OR51B5: variants seen among roughly 807,000 people sequenced by gnomAD.
OR51B5 encodes the protein olfactory receptor family 51 subfamily B member 5.
For synonymous variants in OR51B5, 186 were observed against 144.8 expected (o/e 1.28, Z -2.04); for missense variants, 456 against 374.6 (o/e 1.22, Z -1.79).
In OR51B5 at chr11:5,386,349, G is replaced by C. The variant is rs187544864; in HGVS notation, n.85-39439C>G. On this transcript the variant is annotated intron_variant and non_coding_transcript_variant, in intron 1 of 4. Coordinates refer to the OR51B5 transcript ENST00000415970. Reference sequence around the variant, plus strand: ...AGGCTACCAGGGCCATGCATAGAGAGACAAAGGTTCATATCTTATCCTGAT... The same window carrying C: ...AGGCTACCAGGGCCATGCATAGAGACACAAAGGTTCATATCTTATCCTGAT... 4.2e-3 allele frequency among the ~76,000 whole-genome samples: 639 copies of C among 152,250 alleles called. 4 individuals are homozygous for C. The highest frequency in any genetic ancestry group is 0.015 in the African/African-American group (604 of 41,546).
At chr11:5,369,770 T>C (rs1337892874) in intron 1 of OR51B5, among the ~76,000 whole-genome samples, 1 of 152,198 alleles carries the variant, frequency 6.6e-6, no homozygotes, top group East Asian at 1.9e-4. Flanking sequence ...AAGGGCTATG[T>C]GTAGCACTGT....
intron 1 of OR51B5, among the ~76,000 whole-genome samples, chr11:5,444,668 T>C (rs908974620): frequency 1.3e-5 from 2 of 152,160 alleles, no homozygotes; most frequent in Admixed American, 6.5e-5. Flanking sequence ...CAGCTGGCAG[T>C]GGCATCAGCT....
intron 1 of OR51B5, chr11:5,505,366 A>C: frequency 7.7e-7 from 1 of 1,304,182 alleles, no homozygotes; most frequent in Non-Finnish European, 1.0e-6. Flanking sequence ...GAACGGAAGA[A>C]AATGGAGAGG....
At chr11:5,365,651 C>T (rs34474660) in intron 1 of OR51B5, among the ~76,000 whole-genome samples, 37,718 of 152,174 alleles carry the variant, frequency 0.25, 5,819 homozygotes, top group Non-Finnish European at 0.34. Context: ...AACACACCTC[C>T]AAATGTGTTG....
Position 5,390,382 on chromosome 11 carries a change from C to G in OR51B5, n.85-43472G>C, listed in dbSNP as rs376030473. On this transcript the variant is annotated intron_variant and non_coding_transcript_variant, in intron 1 of 4. Transcript: ENST00000415970. ...GTCTTAAAAAGGCCAGTAAATGAGT[C>G]CTGGGGCTAAAACTCCCCCTAGAGG... The G allele has an allele frequency of 1.2e-3, 1,849 of 1,581,686 alleles. 37 individuals carry two copies. The South Asian group carries it at 0.02, about 17-fold the overall frequency.
chr11:5,365,595 C>T (rs1004920653), intron 1 of OR51B5, among the ~76,000 whole-genome samples: 8 of 152,164 alleles, frequency 5.3e-5, no homozygotes, highest in Admixed American at 3.3e-4. Context: ...CACATGACAT[C>T]GGTTTGCCAT....
rs1304147687 is a variant in OR51B5 at position 5,416,751 on chromosome 11, CA to C, written n.85-69842del. On this transcript the variant is annotated intron_variant and non_coding_transcript_variant, in intron 1 of 4. Transcript: ENST00000415970. Reference sequence around the variant, plus strand: ...TGAAGGACCTCTTCAAGGAGAACTACAAACCACTGCTCAATGAAATAAAAGA... The same window carrying C: ...TGAAGGACCTCTTCAAGGAGAACTACAACCACTGCTCAATGAAATAAAAGA... 3.0e-4 allele frequency among the ~76,000 whole-genome samples: 43 copies of C among 141,970 alleles called. 2 individuals are homozygous for C. In the South Asian group the frequency reaches 0.011, roughly 35 times the overall value. 93.1% of individuals were successfully genotyped at this position (141,970 alleles called of 152,430 possible).
At chr11:5,440,593 A>G in intron 1 of OR51B5, 3 of 1,613,258 alleles carry the variant, frequency 1.9e-6, no homozygotes, top group Non-Finnish European at 2.5e-6. Context: ...TTATGGAAGA[A>G]CTTGAGAATC....
At chr11:5,342,943 T>C (rs1352694255) in exon 1 of OR51B5, 1 of 1,613,550 alleles carries the variant, frequency 6.2e-7, no homozygotes, top group Non-Finnish European at 8.5e-7. Context: ...CTGGGTACAG[T>C]CGGTTGAAGG....
chr11:5,390,161 G>A (rs751497394), intron 1 of OR51B5: 46 of 1,613,650 alleles, frequency 2.9e-5, no homozygotes, highest in East Asian at 2.7e-4. Context: ...GACATGCACC[G>A]CTCCTCTCTG....
intron 1 of OR51B5, among the ~76,000 whole-genome samples, chr11:5,498,884 T>C (rs2133819421): frequency 6.6e-6 from 1 of 152,326 alleles, no homozygotes; most frequent in Middle Eastern, 3.4e-3. Context: ...ACAGGCCTTA[T>C]CCTATCTTTA....
chr11:5,429,132 C>G (rs984065024), intron 1 of OR51B5, among the ~76,000 whole-genome samples: 3 of 152,184 alleles, frequency 2.0e-5, no homozygotes, highest in African/African-American at 7.2e-5. Flanking sequence ...CTACCATTTT[C>G]CACATTCTTA....
intron 1 of OR51B5, among the ~76,000 whole-genome samples, chr11:5,400,338 AATT>A (rs1849947259): frequency 6.6e-6 from 1 of 152,238 alleles, no homozygotes; most frequent in Non-Finnish European, 1.5e-5. Flanking sequence ...TGAAAAAATA[AATT>A]ATTTTAATAT....
chr11:5,489,271 C>T (rs768585133), intron 1 of OR51B5: 23 of 1,613,888 alleles, frequency 1.4e-5, no homozygotes, highest in Middle Eastern at 1.6e-4. Flanking sequence ...GGGCATTGCC[C>T]GACTGGCCTG....
chr11:5,465,092 G>C (rs1851118064), intron 1 of OR51B5, among the ~76,000 whole-genome samples: 1 of 148,148 alleles, frequency 6.8e-6, no homozygotes, highest in Admixed American at 6.8e-5. Flanking sequence ...TGTAGTCCCA[G>C]CTACTTGGGA....
chr11:5,372,383 C>T (rs1260528414), intron 1 of OR51B5, among the ~76,000 whole-genome samples: 1 of 152,186 alleles, frequency 6.6e-6, no homozygotes. Context: ...TACATTCCCA[C>T]CAGCTATGCA....
At chr11:5,455,359 A>AAG (rs201405851) in intron 1 of OR51B5, 5 of 151,880 alleles carry the variant, frequency 3.3e-5, no homozygotes, top group African/African-American at 7.2e-5. Context: ...AGTTGCAAAA[A>AAG]AAAAAAGCCT....
At chr11:5,345,718 T>G (rs1304891571), upstream of OR51B5, 1 of 152,126 alleles carries the variant, frequency 6.6e-6, no homozygotes, top group East Asian at 1.9e-4. Flanking sequence ...CAGAGTTACT[T>G]TGTCAGTGTA....
At chr11:5,496,492 G>T (rs1395496296) in intron 1 of OR51B5, among the ~76,000 whole-genome samples, 3 of 152,058 alleles carry the variant, frequency 2.0e-5, no homozygotes, top group Non-Finnish European at 4.4e-5. Flanking sequence ...TGACATTCTT[G>T]TGTACTGCCT....
Sources: allele counts gnomAD v4.1 joint callset (sites outside exome capture counted in the v4.1 genomes callset), GRCh38; gene constraint gnomAD v4.1.1; transcripts MANE v1.5; gene names NCBI Gene and HGNC (gene_info 2026-07-23, HGNC 2026-07-21).